The following GPC6 variants were observed in gnomAD, a reference collection of about 807,000 sequenced individuals.
The protein encoded by GPC6 is glypican-6.
A neutral mutation model predicts 55.2 loss-of-function variants in GPC6; 14 were observed. The observed-to-expected ratio is 0.25, with a 90% CI of 0.17 to 0.40. The LOEUF (loss-of-function observed/expected upper bound fraction) is 0.40, where lower values mean the gene tolerates loss of function less well. Among genes scored for constraint, GPC6 ranks in the 10% least tolerant of loss-of-function variants. The pLI is 1.00. For missense variants in GPC6, 641 were observed against 708.5 expected (o/e 0.90, Z 1.08); for synonymous variants, 278 against 259.6 (o/e 1.07, Z -0.68).
intron 6 of GPC6, among the ~76,000 whole-genome samples, chr13:94,378,545 C>T (rs1880008172): frequency 6.6e-6 from 1 of 152,060 alleles, no homozygotes; most frequent in South Asian, 2.1e-4. Flanking sequence ...GTTCATGGTC[C>T]TTTTGACAGG....
intron 2 of GPC6, among the ~76,000 whole-genome samples, chr13:93,692,960 T>C (rs1882310178): frequency 6.6e-6 from 1 of 152,124 alleles, no homozygotes; most frequent in African/African-American, 2.4e-5. Context: ...CAAATACTTG[T>C]TACCTAGCCT....
At chr13:93,479,408 G>C (rs1391655161) in intron 1 of GPC6, among the ~76,000 whole-genome samples, 1 of 152,162 alleles carries the variant, frequency 6.6e-6, no homozygotes, top group East Asian at 1.9e-4. Context: ...ATAAAAGCAG[G>C]ATTGTATGTA....
chr13:94,224,114 T>G (rs1890472387), intron 4 of GPC6, among the ~76,000 whole-genome samples: 1 of 152,024 alleles, frequency 6.6e-6, no homozygotes, highest in Non-Finnish European at 1.5e-5. Flanking sequence ...TACAACAATG[T>G]TGTACTGTGC....
At chr13:93,620,712 C>G (rs976868886) in intron 2 of GPC6, among the ~76,000 whole-genome samples, 1 of 152,230 alleles carries the variant, frequency 6.6e-6, no homozygotes, top group Non-Finnish European at 1.5e-5. Context: ...GTTTTCTGAG[C>G]AACTGTTGAT....
At chr13:94,343,915 G>C (rs553153751) in intron 6 of GPC6, among the ~76,000 whole-genome samples, 1 of 152,004 alleles carries the variant, frequency 6.6e-6, no homozygotes, top group Admixed American at 6.6e-5. Flanking sequence ...ATTTTTTGTA[G>C]AGACCAGGTC....
At chr13:94,287,961 G>A (rs563734067) in intron 5 of GPC6, among the ~76,000 whole-genome samples, 17 of 152,268 alleles carry the variant, frequency 1.1e-4, no homozygotes, top group South Asian at 6.2e-4. Context: ...CCATTGGTGC[G>A]TGTGCATACA....
intron 2 of GPC6, among the ~76,000 whole-genome samples, chr13:93,583,642 C>T (rs1877053483): frequency 1.3e-5 from 2 of 152,306 alleles, no homozygotes; most frequent in South Asian, 2.1e-4. Flanking sequence ...GTCTCAAGCT[C>T]CTGACCTCAG....
chr13:93,718,143 G>T (rs992126751), intron 2 of GPC6, among the ~76,000 whole-genome samples: 1 of 151,774 alleles, frequency 6.6e-6, no homozygotes, highest in African/African-American at 2.4e-5. Context: ...GAATTGCTGG[G>T]TCAAATGGTA....
intron 1 of GPC6, among the ~76,000 whole-genome samples, chr13:93,394,516 C>T (rs1875771036): frequency 6.6e-6 from 1 of 152,186 alleles, no homozygotes; most frequent in African/African-American, 2.4e-5. Flanking sequence ...GATAGTTCCT[C>T]TCTTAGGTTA....
chr13:94,205,837 A>T (rs533484376), intron 4 of GPC6, among the ~76,000 whole-genome samples: 6 of 152,326 alleles, frequency 3.9e-5, no homozygotes, highest in African/African-American at 1.4e-4. Flanking sequence ...AGCTATATGA[A>T]AACACGGCTA....
At chr13:93,536,303 G>A (rs538148308) in intron 1 of GPC6, among the ~76,000 whole-genome samples, 2 of 152,030 alleles carry the variant, frequency 1.3e-5, no homozygotes, top group South Asian at 4.2e-4. Flanking sequence ...AAGTGCATTC[G>A]TATTGTGTAA....
intron 2 of GPC6, among the ~76,000 whole-genome samples, chr13:93,611,535 A>G (rs1878460807): frequency 6.6e-6 from 1 of 152,150 alleles, no homozygotes; most frequent in Non-Finnish European, 1.5e-5. Flanking sequence ...AATGTTTTTA[A>G]AATTCTAAAG....
At chr13:94,395,765 A>G (rs1220479389) in intron 7 of GPC6, among the ~76,000 whole-genome samples, 1 of 152,240 alleles carries the variant, frequency 6.6e-6, no homozygotes. Context: ...ACAACAGTAG[A>G]GCAAGTAAAA....
At chr13:93,563,593 A>G (rs1875923201) in intron 2 of GPC6, among the ~76,000 whole-genome samples, 2 of 152,112 alleles carry the variant, frequency 1.3e-5, no homozygotes, top group African/African-American at 4.8e-5. Flanking sequence ...GAGATCTCAG[A>G]CACAATAAAC....
At chr13:93,716,046 G>C (rs916870650) in intron 2 of GPC6, among the ~76,000 whole-genome samples, 6 of 151,564 alleles carry the variant, frequency 4.0e-5, no homozygotes, top group Non-Finnish European at 8.9e-5. Context: ...GTGACTCATA[G>C]CTATCATAAC....
chr13:93,647,655 C>T (rs1880228563), intron 2 of GPC6, among the ~76,000 whole-genome samples: 1 of 152,164 alleles, frequency 6.6e-6, no homozygotes, highest in Admixed American at 6.5e-5. Context: ...TCACTAAATT[C>T]CTTTCAATCC....
At chr13:93,919,569 C>T (rs945249194) in intron 3 of GPC6, among the ~76,000 whole-genome samples, 1 of 152,260 alleles carries the variant, frequency 6.6e-6, no homozygotes, top group Admixed American at 6.5e-5. Flanking sequence ...GAGTAAAGAG[C>T]ATCAGAATCT....
chr13:93,638,054 A>G (rs1002875878), intron 2 of GPC6, among the ~76,000 whole-genome samples: 3 of 152,138 alleles, frequency 2.0e-5, no homozygotes, highest in Non-Finnish European at 4.4e-5. Context: ...TCAAAAAAAA[A>G]TCAATAATGA....
At chr13:93,961,847 G>T (rs924455264) in intron 3 of GPC6, among the ~76,000 whole-genome samples, 1 of 151,856 alleles carries the variant, frequency 6.6e-6, no homozygotes, top group African/African-American at 2.4e-5. Context: ...AGAGATTTTA[G>T]GCAATTGCCA....
Sources: gnomAD v4.1 joint callset for allele counts (sites outside exome capture counted in the v4.1 genomes callset) on GRCh38, gnomAD v4.1.1 for gene constraint, MANE v1.5 for transcripts, NCBI Gene and HGNC (gene_info 2026-07-23, HGNC 2026-07-21) for gene names.